The following KIF26B variants were observed in gnomAD, a reference collection of about 807,000 sequenced individuals.
KIF26B encodes kinesin-like protein KIF26B.
In KIF26B, 63 loss-of-function variants were observed where a neutral mutation model predicts 151.2. The observed-to-expected ratio is 0.42, with a 90% CI of 0.34 to 0.51. KIF26B has a LOEUF of 0.51. Among genes scored for constraint, KIF26B ranks in the 20% least tolerant of loss-of-function variants. The probability of loss-of-function intolerance (pLI) is 0.07; values close to 1 mark genes in which losing one functional copy is unlikely to be tolerated. For synonymous variants in KIF26B, 1,357 were observed against 1,262.1 expected (o/e 1.08, Z -1.59); for missense variants, 2,813 against 2,913.6 (o/e 0.97, Z 0.79).
chr1:245,287,763 A>G (rs954909588), intron 2 of KIF26B, among the ~76,000 whole-genome samples: 16 of 152,106 alleles, frequency 1.1e-4, no homozygotes, highest in Non-Finnish European at 2.2e-4. Context: ...CTGACCTCCC[A>G]AAGTGCTGGG....
In KIF26B at chr1:245,352,736, A is replaced by G. The variant is rs529178749; in HGVS notation, c.466-14098A>G. 6.6e-6 allele frequency among the ~76,000 whole-genome samples: 1 copy of G among 152,138 alleles called. No individual in the cohort carries two copies. The highest frequency in any genetic ancestry group is 1.9e-4 in the East Asian group (1 of 5,182). ...GGACGGGGAGGTGAGTTTTCTTCGC[A>G]TTTTTGGGAATCTCAACTCCTGAGC... On this transcript the variant is annotated intron_variant, in intron 2 of 14. Transcript: ENST00000407071. This position sits in a 1 kb window ranked among gnomAD's most constrained non-coding sequence, Gnocchi z 5.0.
chr1:245,686,197 A>G lies in KIF26B; in HGVS notation c.3214A>G (p.Ser1072Gly). 6.2e-7 allele frequency: 1 copy of G among 1,612,462 alleles called. No individual in the cohort carries two copies. The highest frequency in any genetic ancestry group is 8.5e-7 in the Non-Finnish European group (1 of 1,179,876). The change falls in exon 12 of 15, where the codon AGC becomes GGC. Residue 1072 changes from serine to glycine, a missense_variant. Ser to Gly is a moderately conservative substitution (Grantham distance 56). Transcript: ENST00000407071. The surrounding 1 kb of genome is among the most constrained non-coding windows in gnomAD (Gnocchi z 5.6). ...GGGCTCCCCCCGGCTGGGCATCGCCAGCCTGTCCAAGACCTCGGAGTACAA... is the reference window on the plus strand; with the variant it reads ...GGGCTCCCCCCGGCTGGGCATCGCCGGCCTGTCCAAGACCTCGGAGTACAA... The part of the protein sequence containing the change: ...PMGSPRLGIA[S>G]LSKTSEYKPP...
rs533165286 is a variant in KIF26B, at chr1:245,375,780, C to A, written c.999+8413C>A. ...GAGAAGCGGGATGGGGTCTACAGACCAAGGAGTCCCTGCAGAAACCTGCAG... is the reference window on the plus strand; with the variant it reads ...GAGAAGCGGGATGGGGTCTACAGACAAAGGAGTCCCTGCAGAAACCTGCAG... On this transcript the variant is annotated intron_variant, in intron 3 of 14. Transcript: ENST00000407071. The surrounding 1 kb of genome is among the most constrained non-coding windows in gnomAD (Gnocchi z 4.2). Among the ~76,000 whole-genome samples the A allele has an allele frequency of 2.8e-4, 42 of 152,190 alleles. 1 individual carries two copies. Among genetic ancestry groups the A allele is most frequent in the Admixed American group, 2.2e-3 (34 of 15,286 alleles).
intron 10 of KIF26B, among the ~76,000 whole-genome samples, chr1:245,652,089 T>C (rs1489216611): frequency 1.4e-5 from 2 of 146,600 alleles, no homozygotes; most frequent in Non-Finnish European, 3.0e-5. Context: ...AACGGAGAGG[T>C]TCATGTAAGA....
intron 4 of KIF26B, among the ~76,000 whole-genome samples, chr1:245,443,980 C>T (rs1211571451): frequency 7.0e-6 from 1 of 142,628 alleles, no homozygotes; most frequent in Non-Finnish European, 1.5e-5. Context: ...CTAGAGCGGT[C>T]ATCTCCCTCA....
At chr1:245,438,623 C>G (rs74348768) in intron 4 of KIF26B, among the ~76,000 whole-genome samples, 1 of 152,068 alleles carries the variant, frequency 6.6e-6, no homozygotes, top group Non-Finnish European at 1.5e-5. Flanking sequence ...TTCATCAAAG[C>G]CCCCAAAATG....
In KIF26B at chr1:245,358,357, A is replaced by G. The variant is rs1672742485; in HGVS notation, c.466-8477A>G. On this transcript the variant is annotated intron_variant, in intron 2 of 14. Transcript: ENST00000407071. The surrounding 1 kb of genome is among the most constrained non-coding windows in gnomAD (Gnocchi z 4.1). ...AGCAGAGTGAAACCCTGTCTCTAAT[A>G]AAAATACAAAATATTAGCCAGGCGT... Among the ~76,000 whole-genome samples, 1 of 152,180 alleles carries G rather than the reference A, an allele frequency of 6.6e-6. No individual in the cohort carries two copies. The highest frequency in any genetic ancestry group is 6.5e-5 in the Admixed American group (1 of 15,282).
intron 10 of KIF26B, among the ~76,000 whole-genome samples, chr1:245,682,378 C>T (rs2044451535): frequency 6.6e-6 from 1 of 152,246 alleles, no homozygotes; most frequent in Non-Finnish European, 1.5e-5. Flanking sequence ...TTATAGAACA[C>T]AGCTACCATG....
chr1:245,408,995 C>T (rs1171214861), intron 3 of KIF26B, among the ~76,000 whole-genome samples: 3 of 152,170 alleles, frequency 2.0e-5, no homozygotes, highest in Non-Finnish European at 2.9e-5. Flanking sequence ...TATGAGCCCA[C>T]CTGTTTCACA....
intron 4 of KIF26B, among the ~76,000 whole-genome samples, chr1:245,435,764 T>C (rs1403381518): frequency 6.6e-6 from 1 of 152,188 alleles, no homozygotes; most frequent in East Asian, 1.9e-4. Context: ...GGATAGCAAG[T>C]GTGCTGCCCA....
At chr1:245,634,002 T>C (rs2043807985) in intron 9 of KIF26B, among the ~76,000 whole-genome samples, 2 of 152,128 alleles carry the variant, frequency 1.3e-5, no homozygotes. Context: ...TCTGTAGAGA[T>C]GGGGTCTCAC....
chr1:245,685,406 A>C lies in KIF26B; in HGVS notation c.2423A>C (p.Tyr808Ser). Reference protein sequence around the residue: ...VLRMKKKKTKYTSSSSGGESS... With the variant: ...VLRMKKKKTKSTSSSSGGESS... ...CATTAACTGCCGTCTCACTCACAGTACACATCCAGCTCGTCCGGCGGGGAG... is the reference window on the plus strand; with the variant it reads ...CATTAACTGCCGTCTCACTCACAGTCCACATCCAGCTCGTCCGGCGGGGAG... Residue 808 changes from tyrosine (Y) to serine (S), a missense_variant and splice_region_variant, in exon 12 of 15, where the codon TAC (tyrosine) becomes TCC (serine). This residue lies in a region of KIF26B where 2,060 missense variants were observed against 2,088.6 expected (regional missense o/e 0.99). Transcript: ENST00000407071. The C allele has an allele frequency of 6.2e-7, 1 of 1,608,356 alleles. No homozygotes were observed. The highest frequency in any genetic ancestry group is 1.1e-5 in the South Asian group (1 of 90,198).
In KIF26B at chr1:245,219,295, C is replaced by T. The variant is rs577984378; in HGVS notation, c.465+62612C>T. Among the ~76,000 whole-genome samples the T allele has an allele frequency of 3.3e-5, 5 of 151,970 alleles. No homozygotes were observed. The East Asian group carries it at 5.9e-4, about 18-fold the overall frequency. On this transcript the variant is annotated intron_variant, in intron 2 of 14. Coordinates refer to ENST00000407071, the MANE Select transcript of KIF26B (RefSeq NM_018012.4). The stretch of plus-strand genomic sequence containing the variant: ...CTGGGACTACAGGTGCCCGCCACCA[C>T]GCGCAGCTAATTTTTTAGTTTCACC...
chr1:245,164,844 G>A (rs565560294), intron 2 of KIF26B, among the ~76,000 whole-genome samples: 7 of 152,266 alleles, frequency 4.6e-5, no homozygotes, highest in East Asian at 3.9e-4. Flanking sequence ...AGGCCAAGAC[G>A]GGTGGATCAC....
intron 2 of KIF26B, among the ~76,000 whole-genome samples, chr1:245,294,994 A>G (rs1671314329): frequency 6.6e-6 from 1 of 152,130 alleles, no homozygotes; most frequent in African/African-American, 2.4e-5. Context: ...TGAGTTCTGC[A>G]GATGCTTCTG....
At chr1:245,383,250 C>T (rs1673457404) in intron 3 of KIF26B, among the ~76,000 whole-genome samples, 1 of 152,042 alleles carries the variant, frequency 6.6e-6, no homozygotes, top group South Asian at 2.1e-4. Flanking sequence ...AAAACCGAGG[C>T]ATCCCTCACG....
In KIF26B at chr1:245,606,342, C is replaced by T. The variant is rs2043454142; in HGVS notation, c.1558-1309C>T. On this transcript the variant is annotated intron_variant, in intron 6 of 14. Coordinates refer to ENST00000407071, the MANE Select transcript of KIF26B (RefSeq NM_018012.4). The surrounding 1 kb of genome is among the most constrained non-coding windows in gnomAD (Gnocchi z 4.6). ...AATAACAACATTCACGGCCCAGGTG[C>T]CCACCGGGAGGCACGCTGCCCCGAG... Among the ~76,000 whole-genome samples, 1 of 152,186 alleles carries T rather than the reference C, an allele frequency of 6.6e-6. No homozygotes were observed. The highest frequency in any genetic ancestry group is 1.5e-5 in the Non-Finnish European group (1 of 68,034).
intron 3 of KIF26B, among the ~76,000 whole-genome samples, chr1:245,374,059 CAAAAAAAAAAAAAAAAAAAAAAAAA>C (rs1172397969): frequency 1.7e-4 from 3 of 17,496 alleles, no homozygotes; most frequent in African/African-American, 5.8e-4. Context: ...GAACCTATCT[CAAAAAAAAAAAAAAAAAAAAAAAAA>C]AAAAAAAAAA....
intron 2 of KIF26B, among the ~76,000 whole-genome samples, chr1:245,296,729 TC>T (rs1671343961): frequency 6.6e-6 from 1 of 152,212 alleles, no homozygotes; most frequent in Non-Finnish European, 1.5e-5. Context: ...TGTCTAGAAT[TC>T]CATCCCCTCT....
Sources: gnomAD v4.1 joint callset for allele counts (sites outside exome capture counted in the v4.1 genomes callset) on GRCh38, gnomAD v4.1.1 for gene constraint, gnomAD v4.1.1 regional missense constraint, Gnocchi (gnomAD v3.1) non-coding constraint, MANE v1.5 for transcripts, NCBI Gene and HGNC (gene_info 2026-07-23, HGNC 2026-07-21) for gene names.